GSK3B: variants seen among roughly 807,000 people sequenced by gnomAD.
GSK3B encodes the protein glycogen synthase kinase-3 beta.
GSK3B carries 15 observed loss-of-function variants against 56.4 expected under a neutral mutation model. The observed-to-expected ratio is 0.27, with a 90% CI of 0.18 to 0.41. GSK3B has a LOEUF of 0.41. Among genes scored for constraint, GSK3B ranks in the 10% least tolerant of loss-of-function variants. The pLI is 1.00. For synonymous variants in GSK3B, 181 were observed against 188.9 expected, an observed-to-expected ratio of 0.96 and a Z score of 0.34; for missense variants, 300 against 513.4, an observed-to-expected ratio of 0.58 and a Z score of 4.02.
chr3:119,962,375 C>CAAAAAAAAA (rs71156779), intron 2 of GSK3B, among the ~76,000 whole-genome samples: 10 of 120,488 alleles, frequency 8.3e-5, no homozygotes, highest in Admixed American at 2.5e-4. Context: ...AACTCTGTCT[C>CAAAAAAAAA]AAAAAAAAAA....
At chr3:120,030,019 CT>C (rs905057071) in intron 1 of GSK3B, among the ~76,000 whole-genome samples, 5 of 151,968 alleles carry the variant, frequency 3.3e-5, no homozygotes, top group African/African-American at 1.2e-4. Flanking sequence ...CCCAGTCTGT[CT>C]TTTAAAAGGT....
intron 9 of GSK3B, among the ~76,000 whole-genome samples, chr3:119,861,454 C>T (rs1467747113): frequency 1.3e-5 from 2 of 150,110 alleles, no homozygotes; most frequent in African/African-American, 2.5e-5. Flanking sequence ...GAGGTTGCAG[C>T]GAGCCGGTAT....
chr3:119,907,365 C>T (rs1423353049), intron 6 of GSK3B, among the ~76,000 whole-genome samples: 3 of 152,106 alleles, frequency 2.0e-5, no homozygotes, highest in Non-Finnish European at 4.4e-5. Context: ...AAAAGTAAAA[C>T]ATCAAGGAAT....
intron 2 of GSK3B, among the ~76,000 whole-genome samples, chr3:119,998,491 T>C (rs1319092848): frequency 6.6e-6 from 1 of 152,224 alleles, no homozygotes; most frequent in Non-Finnish European, 1.5e-5. Flanking sequence ...CAGAGGTTCC[T>C]AGCTAAGCCA....
In GSK3B at chr3:119,876,404, C is replaced by G; in HGVS notation, c.909+9G>C. 1 of 1,480,686 alleles carries G rather than the reference C, an allele frequency of 6.8e-7. No homozygotes were observed. Among genetic ancestry groups the G allele is most frequent in the Middle Eastern group, 1.7e-4 (1 of 5,772 alleles). 91.7% of individuals were successfully genotyped at this position (1,480,686 alleles called of 1,614,324 possible). A position where few individuals can be genotyped will look rare whatever the true frequency, so the allele number is the denominator to read the frequency against. Reference sequence around the variant, plus strand: ...CTGATTAATATACTTAAAAAAAAATCTAACTCACCTTAGTCCAAGGATGTG... The same window carrying G: ...CTGATTAATATACTTAAAAAAAAATGTAACTCACCTTAGTCCAAGGATGTG... On this transcript the variant is annotated intron_variant, in intron 8 of 10. Coordinates refer to ENST00000264235, the MANE Select transcript of GSK3B (RefSeq NM_001146156.2).
intron 3 of GSK3B, among the ~76,000 whole-genome samples, chr3:119,930,064 G>A (rs2056929413): frequency 6.9e-6 from 1 of 144,990 alleles, no homozygotes; most frequent in Non-Finnish European, 1.5e-5. Context: ...GGACGACACA[G>A]TGAGATTCTG....
chr3:119,855,171 T>C (rs2056000304), intron 9 of GSK3B, among the ~76,000 whole-genome samples: 1 of 152,248 alleles, frequency 6.6e-6, no homozygotes, highest in Non-Finnish European at 1.5e-5. Context: ...CTTCATTTTG[T>C]TATGTATCCA....
intron 2 of GSK3B, among the ~76,000 whole-genome samples, chr3:120,001,530 C>T (rs1350804141): frequency 6.6e-6 from 1 of 152,192 alleles, no homozygotes; most frequent in Non-Finnish European, 1.5e-5. Flanking sequence ...CACCACACTT[C>T]CTGTACAGTT....
chr3:119,919,010 C>G (rs977445061), intron 4 of GSK3B, among the ~76,000 whole-genome samples: 1 of 152,112 alleles, frequency 6.6e-6, no homozygotes, highest in African/African-American at 2.4e-5. Flanking sequence ...CTTGTGTGAT[C>G]AGACCCTGTC....
intron 7 of GSK3B, among the ~76,000 whole-genome samples, chr3:119,898,911 C>T (rs2056598937): frequency 6.6e-6 from 1 of 152,154 alleles, no homozygotes. Flanking sequence ...AAAATATTTT[C>T]TTGTACTACA....
chr3:120,032,686 T>A (rs943726097), intron 1 of GSK3B, among the ~76,000 whole-genome samples: 2 of 152,076 alleles, frequency 1.3e-5, no homozygotes, highest in South Asian at 2.1e-4. Context: ...AATTTAATTA[T>A]ATACGTGGCT....
chr3:119,838,519 A>T (rs576984606), intron 10 of GSK3B, among the ~76,000 whole-genome samples: 38 of 152,326 alleles, frequency 2.5e-4, no homozygotes, highest in African/African-American at 9.1e-4. Context: ...TCCACATGAA[A>T]ATACACATTT....
intron 1 of GSK3B, among the ~76,000 whole-genome samples, chr3:120,072,960 T>C (rs1423914582): frequency 6.6e-6 from 1 of 152,118 alleles, no homozygotes; most frequent in East Asian, 1.9e-4. Flanking sequence ...TCGCATACTC[T>C]TAGGACAGTA....
At chr3:120,077,661 G>A (rs6767515) in intron 1 of GSK3B, among the ~76,000 whole-genome samples, 38 of 151,610 alleles carry the variant, frequency 2.5e-4, no homozygotes, top group Admixed American at 1.2e-3. Context: ...GGGCGAGGGA[G>A]AGGGGGTGGG....
intron 3 of GSK3B, among the ~76,000 whole-genome samples, chr3:119,925,416 C>T (rs1211214547): frequency 1.3e-5 from 2 of 152,136 alleles, no homozygotes; most frequent in African/African-American, 4.8e-5. Flanking sequence ...CCTCTTCAAC[C>T]TCTAACACTC....
chr3:120,026,512 T>TACACACACACACACACACACACAC (rs61580328), intron 1 of GSK3B, among the ~76,000 whole-genome samples: 1 of 130,444 alleles, frequency 7.7e-6, no homozygotes, highest in Non-Finnish European at 1.6e-5. Flanking sequence ...TACCGCCAAA[T>TACACACACACACACACACACACAC]ACACACACAC....
At chr3:120,071,144 AC>A (rs1367257188) in intron 1 of GSK3B, among the ~76,000 whole-genome samples, 1 of 152,338 alleles carries the variant, frequency 6.6e-6, no homozygotes, top group East Asian at 1.9e-4. Flanking sequence ...TTATTACAGC[AC>A]AACATCGTTT....
chr3:120,086,788 G>A (rs578230246), intron 1 of GSK3B, among the ~76,000 whole-genome samples: 1 of 150,252 alleles, frequency 6.7e-6, no homozygotes, highest in Non-Finnish European at 1.5e-5. Flanking sequence ...GCAACACAGC[G>A]AGACCCTGTC....
chr3:119,861,383 A>G (rs142411897), intron 9 of GSK3B, among the ~76,000 whole-genome samples: 233 of 151,882 alleles, frequency 1.5e-3, no homozygotes, highest in Middle Eastern at 3.4e-3. Context: ...TGGTGGCAGG[A>G]GCCTGTAATC....
Sources: gnomAD v4.1 joint callset for allele counts (sites outside exome capture counted in the v4.1 genomes callset) on GRCh38, gnomAD v4.1.1 for gene constraint, MANE v1.5 for transcripts, NCBI Gene and HGNC (gene_info 2026-07-23, HGNC 2026-07-21) for gene names.